The following CLK2 variants were observed in gnomAD, a reference collection of about 807,000 sequenced individuals.
CLK2 encodes the protein dual specificity protein kinase CLK2.
A neutral mutation model predicts 73.5 loss-of-function variants in CLK2; 12 were observed. The ratio of observed to expected loss-of-function variants is 0.16; its 90% CI spans 0.10 to 0.26. CLK2 has a LOEUF of 0.26. Ranked by LOEUF, CLK2 falls within the 10% of genes least tolerant of loss-of-function variation. The pLI, the probability that CLK2 is intolerant of heterozygous loss-of-function variation, is 1.00. For missense variants in CLK2, 509 were observed against 688.4 expected, an observed-to-expected ratio of 0.74 and a Z score of 2.92; for synonymous variants, 232 against 237.9, an observed-to-expected ratio of 0.98 and a Z score of 0.23.
intron 2 of CLK2, among the ~76,000 whole-genome samples, 174 bp downstream of exon 2, chr1:155,270,634 A>G (rs1287981189): frequency 1.3e-5 from 2 of 152,186 alleles, no homozygotes; most frequent in African/African-American, 4.8e-5. Flanking sequence ...GTTCCTCATT[A>G]TGTATTCTAA....
chr1:155,268,839 C>T lies in CLK2; in HGVS notation c.400-44G>A, dbSNP rs372866746. On this transcript the variant is annotated intron_variant, in intron 3 of 12. Transcript: ENST00000368361. The surrounding 1 kb of genome is among the most constrained non-coding windows in gnomAD (Gnocchi z 5.6). ...GGTCGGAGCAAGCCAGGTGTCGGAG[C>T]GGGGGCCGGAGGGAGGCGGGGTGGG... The T allele has an allele frequency of 4.6e-5, 12 of 260,182 alleles. No homozygotes were observed. The highest frequency in any genetic ancestry group is 6.1e-5 in the Non-Finnish European group (9 of 148,726). The allele number at this position is 260,182 out of a possible 1,614,324, so 16.1% of individuals were successfully genotyped here.
In CLK2 at chr1:155,265,959, AG is replaced by A; in HGVS notation, c.839-6del. ...TCAGCTTGTTATCATGGAGGACTGT[AG>A]GGGAGAAGGCCAGGTCAGGCTTGGT... On this transcript the variant is annotated splice_polypyrimidine_tract_variant and splice_region_variant and intron_variant, in intron 7 of 12. Coordinates refer to ENST00000368361, the MANE Select transcript of CLK2 (RefSeq NM_001294338.2). The A allele has an allele frequency of 6.2e-7, 1 of 1,601,576 alleles. No individual in the cohort carries two copies. The highest frequency in any genetic ancestry group is 1.7e-4 in the Middle Eastern group (1 of 6,046).
chr1:155,266,762 G>A lies in CLK2; in HGVS notation c.805C>T (p.His269Tyr). ...YLPYPIHQVR[H>Y]MAFQLCQAVK... ...GCCTGGCACAGCTGGAAGGCCATGTGGCGCACTTGGTGGATGGGGTAGGGC... is the reference window on the plus strand; with the variant it reads ...GCCTGGCACAGCTGGAAGGCCATGTAGCGCACTTGGTGGATGGGGTAGGGC... The change falls in exon 7 of 13, where the codon CAC becomes TAC. Residue 269 changes from histidine to tyrosine, a missense_variant. Coordinates refer to ENST00000368361, the MANE Select transcript of CLK2 (RefSeq NM_001294338.2). 1 of 1,613,478 alleles carries A rather than the reference G, an allele frequency of 6.2e-7. No homozygotes were observed.
In CLK2 at chr1:155,270,862, C is replaced by G. The variant is rs1444942424; in HGVS notation, c.116G>C (p.Ser39Thr). ...RRRSRSWSSS[S>T]DRTRRRRRED... ...TCGCCGACGCCGTCGTGTCCGGTCA[C>G]TACTACTTGACCAGGAGCGACTTCT... Residue 39 changes from serine (S) to threonine (T), a missense_variant, in exon 2 of 13, where the codon AGT (serine) becomes ACT (threonine). Physicochemically the swap from Ser to Thr is moderately conservative, Grantham distance 58. This residue lies in a region of CLK2 where 222 missense variants were observed against 221.7 expected (regional missense o/e 1.00). Transcript: ENST00000368361. 1 of 1,614,206 alleles carries G rather than the reference C, an allele frequency of 6.2e-7. No homozygotes were observed. The highest frequency in any genetic ancestry group is 8.5e-7 in the Non-Finnish European group (1 of 1,180,034).
intron 1 of CLK2, 98 bp from the exon 2 acceptor site, chr1:155,271,075 C>T (rs1673480992): frequency 8.1e-7 from 1 of 1,234,876 alleles, no homozygotes; most frequent in Admixed American, 1.9e-5. Flanking sequence ...GCTTTCCCCT[C>T]TTATTTCTGC....
In CLK2 at chr1:155,268,065, G is replaced by C; in HGVS notation, c.616C>G (p.Arg206Gly). 1 of 1,614,104 alleles carries C rather than the reference G, an allele frequency of 6.2e-7. No homozygotes were observed. The highest frequency in any genetic ancestry group is 8.5e-7 in the Non-Finnish European group (1 of 1,180,004). Reference protein sequence around the residue: ...KNVEKYKEAARLEINVLEKIN... With the variant: ...KNVEKYKEAAGLEINVLEKIN... ...TTCTCTAGCACGTTGATCTCAAGTC[G>C]AGCTGCTTCCTTGTACTTCTCCACA... Residue 206 changes from arginine to glycine, a missense_variant, in exon 6 of 13, where the codon CGA becomes GGA. By Grantham distance (125) the Arg-to-Gly change is moderately radical. Coordinates refer to ENST00000368361, the MANE Select transcript of CLK2 (RefSeq NM_001294338.2). The surrounding 1 kb of genome is among the most constrained non-coding windows in gnomAD (Gnocchi z 5.6).
chr1:155,272,621 G>T (rs1673564098), intron 1 of CLK2, among the ~76,000 whole-genome samples: 1 of 152,066 alleles, frequency 6.6e-6, no homozygotes, highest in Non-Finnish European at 1.5e-5. Flanking sequence ...GGTGGTATTT[G>T]ATGCATTCTT....
At position 155,268,846 on chromosome 1, in the gene CLK2, C is replaced by CG; in HGVS notation, c.400-52dup. ...GCAAGCCAGGTGTCGGAGCGGGGGC[C>CG]GGAGGGAGGCGGGGTGGGTGGTAGA... is the stretch of plus-strand genomic sequence containing the variant. On this transcript the variant is annotated intron_variant, in intron 3 of 12. Coordinates refer to ENST00000368361, the MANE Select transcript of CLK2 (RefSeq NM_001294338.2). This position sits in a 1 kb window ranked among gnomAD's most constrained non-coding sequence, Gnocchi z 5.6. The CG allele has an allele frequency of 1.0e-4, 23 of 223,502 alleles. No individual in the cohort carries two copies. The highest frequency in any genetic ancestry group is 3.6e-4 in the Admixed American group (6 of 16,852). The allele number at this position is 223,502 out of a possible 1,614,324, so 13.8% of individuals were successfully genotyped here.
At chr1:155,267,706 G>C (rs767605421) in intron 6 of CLK2, among the ~76,000 whole-genome samples, 1 of 152,182 alleles carries the variant, frequency 6.6e-6, no homozygotes, top group African/African-American at 2.4e-5. Flanking sequence ...TTAATTCATT[G>C]TTCGATGAGG....
At position 155,265,894 on chromosome 1, in the gene CLK2, T is replaced by C; in HGVS notation, c.899A>G (p.Asn300Ser). The C allele has an allele frequency of 6.2e-7, 1 of 1,613,052 alleles. No homozygotes were observed. Among genetic ancestry groups the C allele is most frequent in the Non-Finnish European group, 8.5e-7 (1 of 1,178,992 alleles). The change falls in exon 8 of 13, where the codon AAT (asparagine) becomes AGT (serine). Residue 300 changes from asparagine to serine, a missense_variant. Coordinates refer to ENST00000368361, the MANE Select transcript of CLK2 (RefSeq NM_001294338.2). ...GTTGTAGGTGAGCTCATAGTCTGAA[T>C]TCACAAACAGAATATTTTCAGGCTT... The part of the protein sequence containing the change: ...DLKPENILFV[N>S]SDYELTYNLE...
chr1:155,263,372 T>C lies in CLK2; in HGVS notation c.1346A>G (p.His449Arg). Residue 449 changes from histidine (H) to arginine (R), a missense_variant, in exon 13 of 13, where the codon CAC becomes CGC. His to Arg is a conservative substitution (Grantham distance 29, BLOSUM62 0). This residue lies in a region of CLK2 where 134 missense variants were observed against 146.0 expected (regional missense o/e 0.92). Coordinates refer to ENST00000368361, the MANE Select transcript of CLK2 (RefSeq NM_001294338.2). ...RRYLTSEAEE[H>R]HQLFDLIESM... ...TTCAATCAGATCGAAGAGCTGGTGG[T>C]GTTCCTCTGCCTCTGAGGTCAGATA... 1 of 1,614,162 alleles carries C rather than the reference T, an allele frequency of 6.2e-7. No individual in the cohort carries two copies. Among genetic ancestry groups the C allele is most frequent in the Non-Finnish European group, 8.5e-7 (1 of 1,180,050 alleles).
At position 155,268,979 on chromosome 1, in the gene CLK2, C is replaced by A. The variant is rs148072571; in HGVS notation, c.400-184G>T. On this transcript the variant is annotated intron_variant, in intron 3 of 12. Transcript: ENST00000368361. This position sits in a 1 kb window ranked among gnomAD's most constrained non-coding sequence, Gnocchi z 5.6. ...GGTGGATCGGTGTGAGAAGAGAGAG[C>A]GGCGCATAATCCCAAGTCCCCAAAC... 1.6e-6 allele frequency: 1 copy of A among 617,904 alleles called. No individual in the cohort carries two copies. Among genetic ancestry groups the A allele is most frequent in the Non-Finnish European group, 2.9e-6 (1 of 343,872 alleles). 38.3% of individuals were successfully genotyped at this position (617,904 alleles called of 1,614,324 possible).
At position 155,270,882 on chromosome 1, in the gene CLK2, ACTT is replaced by A. The variant is rs769862054; in HGVS notation, c.93_95del (p.Arg31del). The A allele has an allele frequency of 1.9e-6, 3 of 1,613,972 alleles. No individual in the cohort carries two copies. Among genetic ancestry groups the A allele is most frequent in the Non-Finnish European group, 2.5e-6 (3 of 1,180,030 alleles). On this transcript the variant is annotated inframe_deletion, in exon 2 of 13. Coordinates refer to ENST00000368361, the MANE Select transcript of CLK2 (RefSeq NM_001294338.2). The stretch of plus-strand genomic sequence containing the variant: ...GGTCACTACTACTTGACCAGGAGCG[ACTT>A]CTTCGTCGCTTATGCTTTCGGCTCC...
At chr1:155,267,592 T>G (rs1300799047) in intron 6 of CLK2, among the ~76,000 whole-genome samples, 1 of 152,228 alleles carries the variant, frequency 6.6e-6, no homozygotes, top group Non-Finnish European at 1.5e-5. Context: ...CCTCATATCT[T>G]GGCTTAAAGT....
At chr1:155,270,749 G>C in intron 2 of CLK2, 59 bp downstream of exon 2, 8 of 1,536,806 alleles carry the variant, frequency 5.2e-6, no homozygotes, top group Non-Finnish European at 7.1e-6. Context: ...ATAAGTATTT[G>C]TTGAACAAAG....
In CLK2 at chr1:155,264,315, C is replaced by G. The variant is rs1184092639; in HGVS notation, c.1147-15G>C. Reference sequence around the variant, plus strand: ...TTGTCATGGGTCTGGGAAACAAAAACAGAACTGAGCATGGGACTGAAAAGG... The same window carrying G: ...TTGTCATGGGTCTGGGAAACAAAAAGAGAACTGAGCATGGGACTGAAAAGG... On this transcript the variant is annotated splice_polypyrimidine_tract_variant and intron_variant, in intron 10 of 12. Transcript: ENST00000368361. 1 of 1,613,962 alleles carries G rather than the reference C, an allele frequency of 6.2e-7. No individual in the cohort carries two copies. The highest frequency in any genetic ancestry group is 1.3e-5 in the African/African-American group (1 of 74,912).
Position 155,263,112 on chromosome 1 carries a change from GAGGA to G in CLK2, c.*102_*105del. 9.3e-7 allele frequency: 1 copy of G among 1,074,692 alleles called. No individual in the cohort carries two copies. Among genetic ancestry groups the G allele is most frequent in the Non-Finnish European group, 1.3e-6 (1 of 762,696 alleles). 66.6% of individuals were successfully genotyped at this position (1,074,692 alleles called of 1,614,324 possible). On this transcript the variant is annotated 3_prime_UTR_variant, in exon 13 of 13. Transcript: ENST00000368361. ...TATTCACAGGTATATAGAGAGCCAG[GAGGA>G]AGGAGTGAACTCTGGCTCGTTCTCT... is the stretch of plus-strand genomic sequence containing the variant.
intron 1 of CLK2, among the ~76,000 whole-genome samples, chr1:155,271,399 T>C (rs754385993): frequency 1.3e-5 from 2 of 152,204 alleles, no homozygotes; most frequent in African/African-American, 2.4e-5. Context: ...CTAATTTTTA[T>C]ATTTTTAGTA....
intron 3 of CLK2, chr1:155,269,226 C>T (rs1377598191): frequency 6.7e-6 from 4 of 594,192 alleles, no homozygotes; most frequent in African/African-American, 1.9e-5. Flanking sequence ...GCCGCTGGGG[C>T]GGAGAAGCTG....
Sources: allele counts gnomAD v4.1 joint callset (sites outside exome capture counted in the v4.1 genomes callset), GRCh38; gene constraint gnomAD v4.1.1; regional missense constraint gnomAD v4.1.1; non-coding constraint Gnocchi (gnomAD v3.1); transcripts MANE v1.5; gene names NCBI Gene and HGNC (gene_info 2026-07-23, HGNC 2026-07-21).